PDS5B: variants seen among roughly 807,000 people sequenced by gnomAD.
PDS5B encodes the protein sister chromatid cohesion protein PDS5 homolog B.
PDS5B carries 51 observed loss-of-function variants against 184.1 expected under a neutral mutation model. The ratio of observed to expected loss-of-function variants is 0.28; its 90% CI spans 0.22 to 0.35. PDS5B has a LOEUF of 0.35. Ranked by LOEUF, PDS5B falls within the 10% of genes least tolerant of loss-of-function variation. PDS5B has a pLI of 1.00. For synonymous variants in PDS5B, 566 were observed against 569.2 expected, an observed-to-expected ratio of 0.99 and a Z score of 0.08; for missense variants, 1,180 against 1,723.3, an observed-to-expected ratio of 0.68 and a Z score of 5.58.
At chr13:32,591,168 G>T (rs2057769583) in intron 1 of PDS5B, among the ~76,000 whole-genome samples, 1 of 151,724 alleles carries the variant, frequency 6.6e-6, no homozygotes, top group Admixed American at 6.6e-5. Context: ...TCGCTCCGTT[G>T]CCCAGACTGG....
intron 10 of PDS5B, among the ~76,000 whole-genome samples, chr13:32,680,147 T>G (rs1024537835): frequency 1.3e-5 from 2 of 152,222 alleles, no homozygotes; most frequent in Non-Finnish European, 2.9e-5. Context: ...CTCAAATGAT[T>G]GGCAATCCGA....
At chr13:32,659,724 A>G (rs1694849080) in intron 6 of PDS5B, among the ~76,000 whole-genome samples, 1 of 152,154 alleles carries the variant, frequency 6.6e-6, no homozygotes, top group South Asian at 2.1e-4. Context: ...TGATTAATTA[A>G]GATGTTATGT....
intron 30 of PDS5B, among the ~76,000 whole-genome samples, chr13:32,762,402 T>C (rs531764367): frequency 4.5e-4 from 68 of 152,198 alleles, no homozygotes; most frequent in Non-Finnish European, 8.8e-4. Flanking sequence ...TTGAATGATA[T>C]ATAGTATGAT....
In PDS5B at chr13:32,687,244, C is replaced by A. The variant is rs1390704144; in HGVS notation, c.1314C>A (p.Asp438Glu). ...DAAKQIAWIK[D>E]KLLHIYYQNS... ...CAAAACAGATAGCATGGATCAAAGA[C>A]AAATTGCTACATATATATTATCAAA... is the stretch of plus-strand genomic sequence containing the variant. The change falls in exon 12 of 35, where the codon GAC becomes GAA. Residue 438 changes from aspartate (D) to glutamate (E), a missense_variant. Asp to Glu is a conservative substitution (Grantham distance 45). This residue lies in a region of PDS5B where 475 missense variants were observed against 691.5 expected (regional missense o/e 0.69). Transcript: ENST00000315596. 6.2e-7 allele frequency: 1 copy of A among 1,602,448 alleles called. No homozygotes were observed. Among genetic ancestry groups the A allele is most frequent in the Non-Finnish European group, 8.5e-7 (1 of 1,174,236 alleles).
At chr13:32,667,352 G>A (rs1201077611) in intron 6 of PDS5B, among the ~76,000 whole-genome samples, 1 of 151,980 alleles carries the variant, frequency 6.6e-6, no homozygotes, top group Non-Finnish European at 1.5e-5. Flanking sequence ...GTCCCTCCCC[G>A]CCTATGGGAT....
At chr13:32,726,178 G>A (rs557510434) in intron 19 of PDS5B, among the ~76,000 whole-genome samples, 1 of 146,592 alleles carries the variant, frequency 6.8e-6, no homozygotes, top group Admixed American at 6.8e-5. Flanking sequence ...CCCCTTCCGT[G>A]CACATACCTG....
intron 1 of PDS5B, among the ~76,000 whole-genome samples, chr13:32,603,555 C>T (rs1031776792): frequency 5.3e-5 from 8 of 152,116 alleles, no homozygotes; most frequent in East Asian, 3.9e-4. Context: ...GTTCTTTTGG[C>T]GTAGGATTGT....
intron 16 of PDS5B, among the ~76,000 whole-genome samples, chr13:32,700,274 A>G (rs551232371): frequency 1.3e-5 from 2 of 152,250 alleles, no homozygotes; most frequent in South Asian, 2.1e-4. Context: ...ATAAATTCTA[A>G]GAAGTACAAT....
intron 1 of PDS5B, among the ~76,000 whole-genome samples, chr13:32,640,000 T>C (rs1378342858): frequency 6.6e-6 from 1 of 152,252 alleles, no homozygotes; most frequent in African/African-American, 2.4e-5. Context: ...CTTATTGTTA[T>C]GATTGCTCTT....
chr13:32,685,612 G>A (rs1445754505), intron 11 of PDS5B, among the ~76,000 whole-genome samples: 1 of 152,128 alleles, frequency 6.6e-6, no homozygotes, highest in Non-Finnish European at 1.5e-5. Context: ...ACAACATGGG[G>A]AGTTAGAGAT....
chr13:32,660,596 C>T (rs1188513670), intron 6 of PDS5B, among the ~76,000 whole-genome samples: 1 of 152,218 alleles, frequency 6.6e-6, no homozygotes, highest in East Asian at 1.9e-4. Context: ...CTCCTAGACA[C>T]AAATCGAGTA....
At chr13:32,645,030 G>A (rs1950183654) in intron 1 of PDS5B, among the ~76,000 whole-genome samples, 1 of 152,042 alleles carries the variant, frequency 6.6e-6, no homozygotes, top group Non-Finnish European at 1.5e-5. Context: ...TCCTTTTTCA[G>A]ATACAGACTC....
At chr13:32,652,932 T>C (rs1950408732) in intron 3 of PDS5B, among the ~76,000 whole-genome samples, 2 of 152,090 alleles carry the variant, frequency 1.3e-5, no homozygotes, top group South Asian at 4.1e-4. Flanking sequence ...AAGCATGAAG[T>C]AATTAGAGTT....
rs1220035606 is a variant in PDS5B at position 32,717,720 on chromosome 13, TAAAA to T, written c.2123+7626_2123+7629del. ...AAAAAAAATAAATAAATCAATAAAT[TAAAA>T]AAAAAAAAAAAGCACCAATGTAAGT... On this transcript the variant is annotated intron_variant, in intron 19 of 34. Coordinates refer to ENST00000315596, the MANE Select transcript of PDS5B (RefSeq NM_015032.4). Among the ~76,000 whole-genome samples the T allele has an allele frequency of 8.6e-4, 109 of 126,676 alleles. 1 individual carries two copies. Among genetic ancestry groups the T allele is most frequent in the Non-Finnish European group, 1.4e-3 (80 of 59,226 alleles). The allele number at this position is 126,676 out of a possible 152,430, so 83.1% of individuals were successfully genotyped here.
In PDS5B at chr13:32,707,116, G is replaced by T. The variant is rs190580664; in HGVS notation, c.1962+77G>T. 19 of 760,490 alleles carry T rather than the reference G, an allele frequency of 2.5e-5. No homozygotes were observed. The East Asian group carries it at 5.0e-4, about 20-fold the overall frequency. 47.1% of individuals were successfully genotyped at this position (760,490 alleles called of 1,614,324 possible). A position where few individuals can be genotyped will look rare whatever the true frequency, so the allele number is the denominator to read the frequency against. On this transcript the variant is annotated intron_variant, in intron 18 of 34. Transcript: ENST00000315596. Reference sequence around the variant, plus strand: ...ACAGTTTATATTATTTGTTCTTGATGTTTTCTTCTTAAGTTTGTATAATCC... The same window carrying T: ...ACAGTTTATATTATTTGTTCTTGATTTTTTCTTCTTAAGTTTGTATAATCC...
chr13:32,721,301 G>T (rs1952676653), intron 19 of PDS5B, among the ~76,000 whole-genome samples: 1 of 151,438 alleles, frequency 6.6e-6, no homozygotes, highest in African/African-American at 2.4e-5. Context: ...GTGGCTGCCG[G>T]GCGGGGGAAC....
intron 1 of PDS5B, among the ~76,000 whole-genome samples, chr13:32,617,226 A>G (rs984137013): frequency 3.3e-5 from 5 of 152,306 alleles, no homozygotes; most frequent in Non-Finnish European, 2.9e-5. Context: ...ATTTAATATA[A>G]TCTAGGGTGA....
intron 9 of PDS5B, among the ~76,000 whole-genome samples, chr13:32,678,255 T>C (rs940898329): frequency 1.3e-5 from 2 of 152,200 alleles, no homozygotes; most frequent in South Asian, 4.1e-4. Flanking sequence ...TTTTAACTTT[T>C]TAGGGATACA....
At chr13:32,638,037 C>G (rs1311814585) in intron 1 of PDS5B, among the ~76,000 whole-genome samples, 1 of 152,160 alleles carries the variant, frequency 6.6e-6, no homozygotes, top group Admixed American at 6.5e-5. Context: ...ACAGATATGC[C>G]TCTGTGGTCA....
Sources: gnomAD v4.1 joint callset for allele counts (sites outside exome capture counted in the v4.1 genomes callset) on GRCh38, gnomAD v4.1.1 for gene constraint, gnomAD v4.1.1 regional missense constraint, MANE v1.5 for transcripts, NCBI Gene and HGNC (gene_info 2026-07-23, HGNC 2026-07-21) for gene names.